Variants in BMP2K observed in about 807,000 individuals in gnomAD.
The protein encoded by BMP2K is BMP-2-inducible protein kinase.
In BMP2K, 74 loss-of-function variants were observed where a neutral mutation model predicts 116.0. The observed-to-expected ratio is 0.64, with a 90% CI of 0.53 to 0.77. The LOEUF (loss-of-function observed/expected upper bound fraction) is 0.77. Ranked by LOEUF, BMP2K falls within the 30% of genes least tolerant of loss-of-function variation. BMP2K has a pLI of 0.00. For synonymous variants in BMP2K, 486 were observed against 502.5 expected, an observed-to-expected ratio of 0.97 and a Z score of 0.44; for missense variants, 1,365 against 1,403.6, an observed-to-expected ratio of 0.97 and a Z score of 0.44.
At position 78,872,323 on chromosome 4, in the gene BMP2K, T is replaced by G. The variant is rs1006748368; in HGVS notation, c.1609-291T>G. On this transcript the variant is annotated intron_variant, in intron 12 of 15. Coordinates refer to ENST00000502613, the MANE Select transcript of BMP2K (RefSeq NM_198892.2). Reference sequence around the variant, plus strand: ...TTGACCTTTTTTTTTTTTTTTTTTTTTTTTTTAACAGCAACCACTATATTA... The same window carrying G: ...TTGACCTTTTTTTTTTTTTTTTTTTGTTTTTTAACAGCAACCACTATATTA... The G allele has an allele frequency of 3.6e-4, 74 of 206,884 alleles. 1 individual carries two copies. Among genetic ancestry groups the G allele is most frequent in the East Asian group, 1.6e-3 (18 of 11,058 alleles). 12.8% of individuals were successfully genotyped at this position (206,884 alleles called of 1,614,324 possible). A position where few individuals can be genotyped will look rare whatever the true frequency, so the allele number is the denominator to read the frequency against.
intron 8 of BMP2K, among the ~76,000 whole-genome samples, chr4:78,860,517 C>T (rs1374064007): frequency 1.3e-5 from 2 of 151,780 alleles, no homozygotes; most frequent in Non-Finnish European, 3.0e-5. Flanking sequence ...GGAAGGTGCT[C>T]AGTTGGCAAT....
chr4:78,831,117 G>C (rs1047795593), intron 2 of BMP2K, among the ~76,000 whole-genome samples: 1 of 152,230 alleles, frequency 6.6e-6, no homozygotes, highest in African/African-American at 2.4e-5. Context: ...TTTTATGACA[G>C]AGGGAACCCC....
intron 1 of BMP2K, among the ~76,000 whole-genome samples, chr4:78,801,989 T>G (rs1357073082): frequency 1.3e-5 from 2 of 152,236 alleles, no homozygotes; most frequent in Admixed American, 1.3e-4. Context: ...CCATCTAGGC[T>G]CAATTACTTT....
chr4:78,810,463 A>T (rs772741097), intron 1 of BMP2K, among the ~76,000 whole-genome samples: 1 of 152,180 alleles, frequency 6.6e-6, no homozygotes, highest in Admixed American at 6.5e-5. Flanking sequence ...ATCACTGCCT[A>T]TGACAGCTAC....
chr4:78,846,203 C>T (rs1730990747), intron 5 of BMP2K, among the ~76,000 whole-genome samples: 1 of 151,496 alleles, frequency 6.6e-6, no homozygotes, highest in East Asian at 1.9e-4. Context: ...GGGTTTTGTC[C>T]TTTGTGGCTC....
intron 9 of BMP2K, among the ~76,000 whole-genome samples, chr4:78,862,261 A>T (rs1175184652): frequency 6.6e-6 from 1 of 152,138 alleles, no homozygotes; most frequent in Non-Finnish European, 1.5e-5. Context: ...TTTATTTCCA[A>T]GGAGTTCACG....
intron 15 of BMP2K, among the ~76,000 whole-genome samples, chr4:78,892,426 A>G (rs187213913): frequency 6.6e-6 from 1 of 152,246 alleles, no homozygotes; most frequent in Admixed American, 6.5e-5. Flanking sequence ...ATCTATTCTG[A>G]TATTCCGTTT....
At chr4:78,823,450 G>A (rs1729719436) in intron 1 of BMP2K, among the ~76,000 whole-genome samples, 1 of 149,588 alleles carries the variant, frequency 6.7e-6, no homozygotes, top group East Asian at 1.9e-4. Context: ...ATAACAAGTA[G>A]GGAGATTTTT....
intron 1 of BMP2K, among the ~76,000 whole-genome samples, chr4:78,780,598 C>T (rs576720824): frequency 6.6e-6 from 1 of 152,236 alleles, no homozygotes; most frequent in South Asian, 2.1e-4. Flanking sequence ...CTTGTAAGTT[C>T]ACATTCCGAA....
chr4:78,823,711 A>G (rs1729746160), intron 1 of BMP2K, among the ~76,000 whole-genome samples: 1 of 151,688 alleles, frequency 6.6e-6, no homozygotes, highest in Non-Finnish European at 1.5e-5. Context: ...TTGGGGCCAG[A>G]ATTTGGAAAC....
At chr4:78,907,299 G>A (rs1450354933) in intron 15 of BMP2K, among the ~76,000 whole-genome samples, 1 of 152,168 alleles carries the variant, frequency 6.6e-6, no homozygotes, top group Non-Finnish European at 1.5e-5. Flanking sequence ...AACAGAATGA[G>A]AAGTATAAAG....
At chr4:78,788,976 T>C (rs1727876464) in intron 1 of BMP2K, among the ~76,000 whole-genome samples, 1 of 151,070 alleles carries the variant, frequency 6.6e-6, no homozygotes, top group Non-Finnish European at 1.5e-5. Context: ...ATAAGGTCAA[T>C]TTCACTGATT....
chr4:78,897,387 A>T (rs1379752329), intron 15 of BMP2K, among the ~76,000 whole-genome samples: 1 of 152,154 alleles, frequency 6.6e-6, no homozygotes, highest in Non-Finnish European at 1.5e-5. Flanking sequence ...TGCTGTTTTT[A>T]AAATGATGGA....
intron 14 of BMP2K, among the ~76,000 whole-genome samples, chr4:78,883,531 A>T (rs10005471): frequency 0.17 from 26,173 of 152,144 alleles, 4,602 homozygotes; most frequent in African/African-American, 0.45. Flanking sequence ...AAATGGACTT[A>T]GCATAGAGCA....
intron 1 of BMP2K, among the ~76,000 whole-genome samples, chr4:78,782,112 C>T (rs2109917480): frequency 6.6e-6 from 1 of 152,334 alleles, no homozygotes; most frequent in Admixed American, 6.5e-5. Flanking sequence ...GTGCTCCACT[C>T]CCTGTTGGTC....
chr4:78,814,967 G>T (rs1474200917), intron 1 of BMP2K, among the ~76,000 whole-genome samples: 1 of 151,922 alleles, frequency 6.6e-6, no homozygotes, highest in African/African-American at 2.4e-5. Context: ...ATTTTTCAAT[G>T]TTTTTTTCCC....
intron 1 of BMP2K, among the ~76,000 whole-genome samples, chr4:78,800,452 C>T (rs1287493114): frequency 6.6e-6 from 1 of 152,178 alleles, no homozygotes; most frequent in African/African-American, 2.4e-5. Context: ...TCCTAACCTA[C>T]CCATACACAT....
rs1160947711 is a variant in BMP2K, at chr4:78,913,045, T to C, written c.*1012T>C. 2 of 152,222 alleles carry C rather than the reference T, an allele frequency of 1.3e-5. No individual in the cohort carries two copies. Among genetic ancestry groups the C allele is most frequent in the Non-Finnish European group, 2.9e-5 (2 of 68,036 alleles). The allele number at this position is 152,222 out of a possible 1,614,324, so 9.4% of individuals were successfully genotyped here. A position where few individuals can be genotyped will look rare whatever the true frequency, so the allele number is the denominator to read the frequency against. On this transcript the variant is annotated 3_prime_UTR_variant, in exon 16 of 16. Coordinates refer to ENST00000502613, the MANE Select transcript of BMP2K (RefSeq NM_198892.2). ...AACTGAATTTTCAAGACATTTACAATGTGAAATCATGTTGCATTTAACAAT... is the reference window on the plus strand; with the variant it reads ...AACTGAATTTTCAAGACATTTACAACGTGAAATCATGTTGCATTTAACAAT...
chr4:78,790,049 A>G (rs886557792), intron 1 of BMP2K, among the ~76,000 whole-genome samples: 2 of 152,242 alleles, frequency 1.3e-5, no homozygotes, highest in Non-Finnish European at 2.9e-5. Flanking sequence ...AGATGACAGC[A>G]CAAATGCTTT....
Sources: gnomAD v4.1 joint callset for allele counts (sites outside exome capture counted in the v4.1 genomes callset) on GRCh38, gnomAD v4.1.1 for gene constraint, MANE v1.5 for transcripts, NCBI Gene and HGNC (gene_info 2026-07-23, HGNC 2026-07-21) for gene names.